SYT1: variants seen among roughly 807,000 people sequenced by gnomAD.
SYT1 encodes synaptotagmin-1.
In SYT1, 8 loss-of-function variants were observed where a neutral mutation model predicts 44.8. The ratio of observed to expected loss-of-function variants is 0.18; its 90% CI spans 0.10 to 0.32. SYT1 has a LOEUF of 0.32. Ranked by LOEUF, SYT1 falls within the 10% of genes least tolerant of loss-of-function variation. The pLI, the probability that SYT1 is intolerant of heterozygous loss-of-function variation, is 1.00. For missense variants in SYT1, 286 were observed against 509.3 expected, an observed-to-expected ratio of 0.56 and a Z score of 4.22; for synonymous variants, 154 against 188.8, an observed-to-expected ratio of 0.82 and a Z score of 1.51.
chr12:79,315,238 T>A (rs2138955386), intron 8 of SYT1, among the ~76,000 whole-genome samples: 1 of 152,242 alleles, frequency 6.6e-6, no homozygotes, highest in East Asian at 1.9e-4. Context: ...TGAGACAGGG[T>A]CTCTTTTTGT....
At chr12:78,911,643 C>T (rs1328792931) in intron 1 of SYT1, among the ~76,000 whole-genome samples, 2 of 151,684 alleles carry the variant, frequency 1.3e-5, no homozygotes, top group Admixed American at 6.6e-5. Context: ...GGAAGTCTTT[C>T]GGGATCCCAG....
chr12:79,150,173 CTT>C (rs144745046), intron 3 of SYT1, among the ~76,000 whole-genome samples: 1,566 of 152,206 alleles, frequency 0.01, 26 homozygotes, highest in African/African-American at 0.036. Flanking sequence ...AAAATCTACT[CTT>C]TTAACAATTT....
chr12:78,903,521 G>A (rs767174659), intron 1 of SYT1, among the ~76,000 whole-genome samples: 21 of 151,986 alleles, frequency 1.4e-4, no homozygotes, highest in Middle Eastern at 6.8e-3. Flanking sequence ...TACTGACTTC[G>A]TGATCTGCCC....
chr12:79,041,580 T>C (rs895114025), intron 2 of SYT1, among the ~76,000 whole-genome samples: 1 of 152,148 alleles, frequency 6.6e-6, no homozygotes, highest in Admixed American at 6.6e-5. Flanking sequence ...ACAGGGACAG[T>C]TTGACTTCTT....
chr12:79,025,796 C>T (rs1283782282), intron 2 of SYT1, among the ~76,000 whole-genome samples: 1 of 151,484 alleles, frequency 6.6e-6, no homozygotes, highest in Non-Finnish European at 1.5e-5. Flanking sequence ...CTGTTTGACT[C>T]TAGAGCTTTT....
intron 1 of SYT1, among the ~76,000 whole-genome samples, chr12:78,931,295 GAA>G (rs1877688622): frequency 2.3e-5 from 2 of 85,426 alleles, no homozygotes; most frequent in African/African-American, 4.6e-5. Context: ...AGGAAGGAAG[GAA>G]GGAAGGAAGG....
chr12:79,017,320 A>C (rs191942983), intron 2 of SYT1, among the ~76,000 whole-genome samples: 1 of 152,260 alleles, frequency 6.6e-6, no homozygotes, highest in East Asian at 1.9e-4. Flanking sequence ...CAAAATAATT[A>C]ATCATAGTCT....
At chr12:79,325,354 G>A (rs757842967) in intron 8 of SYT1, among the ~76,000 whole-genome samples, 1 of 152,076 alleles carries the variant, frequency 6.6e-6, no homozygotes, top group South Asian at 2.1e-4. Context: ...GCTATGTTAT[G>A]GCTGAAAAGA....
chr12:79,087,277 CAGA>C (rs1877445958), intron 3 of SYT1, among the ~76,000 whole-genome samples: 1 of 152,062 alleles, frequency 6.6e-6, no homozygotes, highest in Non-Finnish European at 1.5e-5. Flanking sequence ...ATTAAAAAAG[CAGA>C]AGGAGAGTTA....
At chr12:79,334,455 C>T (rs1043462441) in intron 8 of SYT1, among the ~76,000 whole-genome samples, 4 of 151,922 alleles carry the variant, frequency 2.6e-5, no homozygotes, top group Non-Finnish European at 4.4e-5. Flanking sequence ...CAAACTTGAA[C>T]GAGAATGGTC....
In SYT1 at chr12:79,120,304, GAA is replaced by G. The variant is rs543437903; in HGVS notation, c.-18+72944_-18+72945del. Among the ~76,000 whole-genome samples the G allele has an allele frequency of 3.2e-4, 48 of 152,212 alleles. No homozygotes were observed. In the East Asian group the frequency reaches 6.4e-3, roughly 20 times the overall value. ...TGTGGACTACTAGAAGGGGGAGAGA[GAA>G]AGGGAGGCATGGATTGAAAAACTAC... On this transcript the variant is annotated intron_variant, in intron 3 of 10. Coordinates refer to ENST00000261205, the MANE Select transcript of SYT1 (RefSeq NM_005639.3).
chr12:78,931,181 A>G (rs868114292), intron 1 of SYT1, among the ~76,000 whole-genome samples: 180 of 17,716 alleles, frequency 0.01, 3 homozygotes, highest in African/African-American at 0.046. Context: ...AAGAAAGAAA[A>G]AGAAAGAAAG....
At chr12:79,340,860 A>G (rs1270703568) in intron 8 of SYT1, among the ~76,000 whole-genome samples, 1 of 152,178 alleles carries the variant, frequency 6.6e-6, no homozygotes, top group Non-Finnish European at 1.5e-5. Flanking sequence ...TGACAAGGAC[A>G]CTTTTGGAAT....
At chr12:79,313,513 G>A (rs1469723886) in intron 8 of SYT1, among the ~76,000 whole-genome samples, 1 of 150,774 alleles carries the variant, frequency 6.6e-6, no homozygotes, top group African/African-American at 2.4e-5. Context: ...TCCAAATTGT[G>A]TAGGATAAGT....
chr12:79,445,688 A>G (rs1002897284), intron 10 of SYT1, among the ~76,000 whole-genome samples: 12 of 149,718 alleles, frequency 8.0e-5, no homozygotes, highest in Non-Finnish European at 1.3e-4. Context: ...TTATTTATCC[A>G]TTCATCTGTT....
At chr12:79,093,018 CAT>C (rs1489605035) in intron 3 of SYT1, among the ~76,000 whole-genome samples, 3 of 151,516 alleles carry the variant, frequency 2.0e-5, no homozygotes, top group African/African-American at 7.3e-5. Context: ...ATGTGAATAA[CAT>C]ATCTATAAAA....
At chr12:79,398,947 G>T (rs1884971805) in intron 9 of SYT1, among the ~76,000 whole-genome samples, 1 of 152,108 alleles carries the variant, frequency 6.6e-6, no homozygotes, top group South Asian at 2.1e-4. Flanking sequence ...CCAAGTCACT[G>T]TCCAGCTCAA....
intron 3 of SYT1, among the ~76,000 whole-genome samples, chr12:79,102,669 T>C (rs185170140): frequency 7.5e-4 from 115 of 152,330 alleles, no homozygotes; most frequent in African/African-American, 2.7e-3. Flanking sequence ...ACAAAGTAAA[T>C]ACTCAGCAAA....
rs540728845 is a variant in SYT1, at chr12:79,168,076, C to T, written c.-17-49427C>T. On this transcript the variant is annotated intron_variant, in intron 3 of 10. Coordinates refer to ENST00000261205, the MANE Select transcript of SYT1 (RefSeq NM_005639.3). Reference sequence around the variant, plus strand: ...GCTGTGCGGTCCAGTTCCTAACAGGCCATGGACTGGTACCCATCCCTGGCA... The same window carrying T: ...GCTGTGCGGTCCAGTTCCTAACAGGTCATGGACTGGTACCCATCCCTGGCA... Among the ~76,000 whole-genome samples, 13 of 152,204 alleles carry T rather than the reference C, an allele frequency of 8.5e-5. No individual in the cohort carries two copies. The South Asian group carries it at 2.5e-3, about 29-fold the overall frequency.
Sources: allele counts gnomAD v4.1 joint callset (sites outside exome capture counted in the v4.1 genomes callset), GRCh38; gene constraint gnomAD v4.1.1; transcripts MANE v1.5; gene names NCBI Gene and HGNC (gene_info 2026-07-23, HGNC 2026-07-21).